MTMR7: variants seen among roughly 807,000 people sequenced by gnomAD.
MTMR7 encodes myotubularin related protein 7.
A neutral mutation model predicts 81.2 loss-of-function variants in MTMR7; 76 were observed. The ratio of observed to expected loss-of-function variants is 0.94; its 90% CI spans 0.78 to 1.13. The LOEUF (loss-of-function observed/expected upper bound fraction) is 1.13, where lower values mean the gene tolerates loss of function less well. MTMR7 is among the 50% of genes most tolerant of loss of function. MTMR7 has a pLI of 0.00. For synonymous variants in MTMR7, 372 were observed against 289.8 expected (o/e 1.28, Z -2.88); for missense variants, 1,044 against 820.0 (o/e 1.27, Z -3.34).
intron 1 of MTMR7, among the ~76,000 whole-genome samples, chr8:17,404,766 A>G (rs1301170698): frequency 1.3e-5 from 2 of 152,180 alleles, no homozygotes; most frequent in African/African-American, 4.8e-5. Flanking sequence ...AACAATTTAA[A>G]TACATTGATG....
intron 6 of MTMR7, 132 bp from the exon 7 acceptor site, chr8:17,331,414 A>T: frequency 1.1e-6 from 1 of 918,770 alleles, no homozygotes; most frequent in South Asian, 1.9e-5. Flanking sequence ...GCTTATTTGA[A>T]TCACTGCAAC....
At position 17,404,171 on chromosome 8, in the gene MTMR7, G is replaced by C. The variant is rs141431933; in HGVS notation, c.24+9098C>G. Among the ~76,000 whole-genome samples the C allele has an allele frequency of 5.3e-5, 8 of 152,278 alleles. No homozygotes were observed. The East Asian group carries it at 1.5e-3, about 29-fold the overall frequency. On this transcript the variant is annotated intron_variant, in intron 1 of 13. Coordinates refer to ENST00000180173, the MANE Select transcript of MTMR7 (RefSeq NM_004686.5). Reference sequence around the variant, plus strand: ...AAAATGGAAAGGGGACCAGGCAAGAGTTGACAGTATTTCAGAATAGGGTGG... The same window carrying C: ...AAAATGGAAAGGGGACCAGGCAAGACTTGACAGTATTTCAGAATAGGGTGG...
chr8:17,353,913 G>T (rs986084548), intron 4 of MTMR7, among the ~76,000 whole-genome samples: 3 of 152,082 alleles, frequency 2.0e-5, no homozygotes, highest in Non-Finnish European at 2.9e-5. Flanking sequence ...CTTACTATAC[G>T]CCAGGCATTA....
chr8:17,398,889 G>A (rs906057038), intron 1 of MTMR7, among the ~76,000 whole-genome samples: 2 of 152,148 alleles, frequency 1.3e-5, no homozygotes, highest in African/African-American at 4.8e-5. Context: ...CAAGCAATCA[G>A]AGCTAGGGCA....
intron 6 of MTMR7, among the ~76,000 whole-genome samples, chr8:17,340,824 G>T (rs183368301): frequency 3.2e-3 from 483 of 152,228 alleles, no homozygotes; most frequent in Non-Finnish European, 5.6e-3. Context: ...AGAGTTCAGG[G>T]TTTAACCTTT....
At chr8:17,338,337 G>T (rs2150539242) in intron 6 of MTMR7, among the ~76,000 whole-genome samples, 1 of 152,208 alleles carries the variant, frequency 6.6e-6, no homozygotes, top group South Asian at 2.1e-4. Flanking sequence ...ACGTTTCCTA[G>T]AAGGTTTACA....
chr8:17,302,041 T>C, intron 13 of MTMR7, 113 bp downstream of exon 13: 1 of 1,411,516 alleles, frequency 7.1e-7, no homozygotes, highest in Non-Finnish European at 9.8e-7. Flanking sequence ...GGTGTTCTAC[T>C]GACTAAAAAT....
intron 3 of MTMR7, among the ~76,000 whole-genome samples, chr8:17,368,270 G>T (rs564358140): frequency 2.0e-5 from 3 of 152,128 alleles, no homozygotes; most frequent in African/African-American, 7.2e-5. Flanking sequence ...CTCCTGCTGT[G>T]CTGTGCCGCC....
rs534534319 is a variant in MTMR7, at chr8:17,382,519, T to C, written c.25-9279A>G. Reference sequence around the variant, plus strand: ...TGAAGCGTCTTGCTGTACTCAAAAATAAAGACTTTCATTTGACTTTATTTT... The same window carrying C: ...TGAAGCGTCTTGCTGTACTCAAAAACAAAGACTTTCATTTGACTTTATTTT... On this transcript the variant is annotated intron_variant, in intron 1 of 13. Coordinates refer to ENST00000180173, the MANE Select transcript of MTMR7 (RefSeq NM_004686.5). 1.2e-3 allele frequency among the ~76,000 whole-genome samples: 176 copies of C among 152,152 alleles called. 1 individual carries two copies. The highest frequency in any genetic ancestry group is 9.3e-3 in the South Asian group (45 of 4,826).
chr8:17,371,648 T>G (rs1379423227), intron 2 of MTMR7, among the ~76,000 whole-genome samples: 3 of 152,176 alleles, frequency 2.0e-5, no homozygotes, highest in Non-Finnish European at 4.4e-5. Flanking sequence ...TGTATCAACA[T>G]GGGATTGTTG....
chr8:17,345,577 A>G lies in MTMR7; in HGVS notation c.597+3376T>C, dbSNP rs150315868. Among the ~76,000 whole-genome samples, 686 of 152,340 alleles carry G rather than the reference A, an allele frequency of 4.5e-3. 4 individuals carry two copies. The highest frequency in any genetic ancestry group is 0.015 in the African/African-American group (635 of 41,558). ...GTGTCTGGCTGTCCCTGTAACCTAG[A>G]GCAGGAATCCCTCCCTCACCACAGG... On this transcript the variant is annotated intron_variant, in intron 5 of 13. Transcript: ENST00000180173.
intron 6 of MTMR7, among the ~76,000 whole-genome samples, chr8:17,332,186 C>A (rs1347041460): frequency 6.6e-6 from 1 of 151,932 alleles, no homozygotes; most frequent in Admixed American, 6.5e-5. Context: ...GGAGGGCTAA[C>A]CCAGGCAGAG....
At chr8:17,336,150 A>C (rs762287316) in intron 6 of MTMR7, among the ~76,000 whole-genome samples, 1 of 152,098 alleles carries the variant, frequency 6.6e-6, no homozygotes, top group Admixed American at 6.5e-5. Flanking sequence ...GGAGGTAGGG[A>C]GTACACATCT....
rs1679198871 is a variant in MTMR7, at chr8:17,313,274, T to A, written c.975+18A>T. ...TTGCTCATCTGTCCCTTAATTTATT[T>A]TCTCTGCAATTGCATACCTTTGCAA... On this transcript the variant is annotated intron_variant, in intron 8 of 13. Transcript: ENST00000180173. The A allele has an allele frequency of 6.4e-7, 1 of 1,574,144 alleles. No individual in the cohort carries two copies. Among genetic ancestry groups the A allele is most frequent in the African/African-American group, 1.4e-5 (1 of 73,974 alleles).
intron 6 of MTMR7, among the ~76,000 whole-genome samples, chr8:17,333,711 C>T (rs570835050): frequency 2.6e-5 from 4 of 152,180 alleles, no homozygotes; most frequent in Middle Eastern, 3.4e-3. Context: ...ATTAGCCAGA[C>T]ATGGTGGCAT....
In MTMR7 at chr8:17,370,538, G is replaced by A. The variant is rs1454759237; in HGVS notation, c.310+499C>T. On this transcript the variant is annotated intron_variant, in intron 3 of 13. Coordinates refer to ENST00000180173, the MANE Select transcript of MTMR7 (RefSeq NM_004686.5). ...CCACTGCACTTCCAGCCTGGGCGAC[G>A]GAGAAAAAGTGCCTCAAAAAAAAAA... Among the ~76,000 whole-genome samples the A allele has an allele frequency of 2.6e-4, 31 of 121,168 alleles. 2 individuals are homozygous for A. Among genetic ancestry groups the A allele is most frequent in the South Asian group, 1.1e-3 (4 of 3,496 alleles). 79.5% of individuals were successfully genotyped at this position (121,168 alleles called of 152,430 possible). A position where few individuals can be genotyped will look rare whatever the true frequency, so the allele number is the denominator to read the frequency against.
rs149250053 is a variant in MTMR7 at position 17,334,348 on chromosome 8, C to T, written c.733-3066G>A. On this transcript the variant is annotated intron_variant, in intron 6 of 13. Transcript: ENST00000180173. ...TACGGCATCCCTTACATAAACAAAT[C>T]GCTATTACTACATCAAATACGGTCC... Among the ~76,000 whole-genome samples, 572 of 152,276 alleles carry T rather than the reference C, an allele frequency of 3.8e-3. 4 individuals carry two copies. Among genetic ancestry groups the T allele is most frequent in the African/African-American group, 0.013 (536 of 41,564 alleles).
intron 3 of MTMR7, among the ~76,000 whole-genome samples, chr8:17,363,334 T>C (rs565458784): frequency 6.6e-6 from 1 of 152,306 alleles, no homozygotes; most frequent in Admixed American, 6.5e-5. Flanking sequence ...GTTCCCTGAG[T>C]GAAAGAAGAG....
intron 6 of MTMR7, among the ~76,000 whole-genome samples, chr8:17,336,877 G>C (rs1819257005): frequency 6.6e-6 from 1 of 152,154 alleles, no homozygotes; most frequent in Non-Finnish European, 1.5e-5. Context: ...GAGAATTTTT[G>C]TAAACAGAAA....
Sources: allele counts gnomAD v4.1 joint callset (sites outside exome capture counted in the v4.1 genomes callset), GRCh38; gene constraint gnomAD v4.1.1; transcripts MANE v1.5; gene names NCBI Gene and HGNC (gene_info 2026-07-23, HGNC 2026-07-21).